SHPRH: variants seen among roughly 807,000 people sequenced by gnomAD.
SHPRH encodes the protein E3 ubiquitin-protein ligase SHPRH.
Under a neutral mutation model 202.5 loss-of-function variants are expected in SHPRH, and 106 were observed. The ratio of observed to expected loss-of-function variants is 0.52; its 90% CI spans 0.45 to 0.62. The LOEUF (loss-of-function observed/expected upper bound fraction) is 0.62, where lower values mean the gene tolerates loss of function less well. SHPRH is among the 20% of genes least tolerant of loss of function. The pLI is 0.00. For missense variants in SHPRH, 1,710 were observed against 2,020.0 expected, an observed-to-expected ratio of 0.85 and a Z score of 2.94; for synonymous variants, 729 against 686.0, an observed-to-expected ratio of 1.06 and a Z score of -0.98.
Position 145,964,336 on chromosome 6 carries a change from C to G in SHPRH, c.-638G>C, listed in dbSNP as rs1333727271. 6.6e-6 allele frequency: 1 copy of G among 152,284 alleles called. No individual in the cohort carries two copies. Among genetic ancestry groups the G allele is most frequent in the Non-Finnish European group, 1.5e-5 (1 of 68,102 alleles). 9.4% of individuals were successfully genotyped at this position (152,284 alleles called of 1,614,324 possible). On this transcript the variant is annotated 5_prime_UTR_variant, in exon 1 of 30. Transcript: ENST00000275233. ...GAGACCCAGAAACCACAGCGCCTAG[C>G]TGCCGGGCGCGCGCTGTAGCGTGGG... is the stretch of plus-strand genomic sequence containing the variant.
chr6:145,877,114 AC>A (rs781499336), intron 2 of SHPRH: 9 of 152,012 alleles, frequency 5.9e-5, no homozygotes, highest in Non-Finnish European at 1.3e-4. Flanking sequence ...TCCATTTAAC[AC>A]TCCAGGTACC....
chr6:145,892,553 T>C (rs968023065), intron 28 of SHPRH, among the ~76,000 whole-genome samples: 55 of 152,150 alleles, frequency 3.6e-4, no homozygotes, highest in African/African-American at 1.3e-3. Context: ...GTGCTTATTA[T>C]GGATGTGTTT....
At chr6:145,928,323 A>C (rs990842988) in intron 14 of SHPRH, among the ~76,000 whole-genome samples, 22 of 151,984 alleles carry the variant, frequency 1.4e-4, no homozygotes, top group African/African-American at 2.2e-4. Context: ...TGTAAAATTC[A>C]AGACAGGTAA....
In SHPRH at chr6:145,922,643, T is replaced by C. The variant is rs1275487294; in HGVS notation, c.3719+20A>G. 6.4e-7 allele frequency: 1 copy of C among 1,573,382 alleles called. No individual in the cohort carries two copies. The highest frequency in any genetic ancestry group is 8.6e-7 in the Non-Finnish European group (1 of 1,164,920). ...AAAGAAATGGTACCATTTCATTGTATGATTTCTTCTATTACCTACCAGTTG... is the reference window on the plus strand; with the variant it reads ...AAAGAAATGGTACCATTTCATTGTACGATTTCTTCTATTACCTACCAGTTG... On this transcript the variant is annotated intron_variant, in intron 19 of 29. Transcript: ENST00000275233.
chr6:145,963,386 A>G (rs1020720485), intron 1 of SHPRH, among the ~76,000 whole-genome samples: 1 of 152,242 alleles, frequency 6.6e-6, no homozygotes, highest in Non-Finnish European at 1.5e-5. Flanking sequence ...GTTGGAAGGC[A>G]TCAAACATCT....
chr6:145,922,526 GATT>G, intron 19 of SHPRH, 134 bp downstream of exon 19: 1 of 1,244,928 alleles, frequency 8.0e-7, no homozygotes, highest in South Asian at 1.6e-5. Context: ...CTTTAAATTA[GATT>G]AATACATCTC....
At position 145,943,014 on chromosome 6, in the gene SHPRH, A is replaced by T. The variant is rs1786961379; in HGVS notation, c.2238+129T>A. 1.6e-5 allele frequency: 18 copies of T among 1,117,326 alleles called. No homozygotes were observed. The South Asian group carries it at 3.2e-4, about 20-fold the overall frequency. 69.2% of individuals were successfully genotyped at this position (1,117,326 alleles called of 1,614,324 possible). A position where few individuals can be genotyped will look rare whatever the true frequency, so the allele number is the denominator to read the frequency against. ...TCTCAATTTTTTTCTTTAAGCTTTGATTTAACATTACTATTAAATCATTCA... is the reference window on the plus strand; with the variant it reads ...TCTCAATTTTTTTCTTTAAGCTTTGTTTTAACATTACTATTAAATCATTCA... On this transcript the variant is annotated intron_variant, in intron 9 of 29. Transcript: ENST00000275233.
intron 25 of SHPRH, among the ~76,000 whole-genome samples, chr6:145,898,073 T>A (rs1285715086): frequency 6.6e-6 from 1 of 152,184 alleles, no homozygotes; most frequent in Non-Finnish European, 1.5e-5. Flanking sequence ...GAAGTTAAAC[T>A]GTTTGCAGAT....
At position 145,874,071 on chromosome 6, in the gene SHPRH, G is replaced by A. The variant is rs566801167; in HGVS notation, c.222-9580C>T. Among the ~76,000 whole-genome samples the A allele has an allele frequency of 4.1e-4, 63 of 152,162 alleles. No individual in the cohort carries two copies. The South Asian group carries it at 0.013, about 32-fold the overall frequency. On this transcript the variant is annotated intron_variant, in intron 2 of 2. Coordinates refer to the SHPRH transcript ENST00000417762. ...AAATTAGCGGCGCATGGTGGAGCAA[G>A]CCTGTAATCCCAGCTACTTGGGAGG... is the stretch of plus-strand genomic sequence containing the variant.
chr6:145,943,181 T>C lies in SHPRH; in HGVS notation c.2200A>G (p.Ile734Val). The change falls in exon 9 of 30, where the codon ATC becomes GTC. Residue 734 changes from isoleucine to valine, a missense_variant. By Grantham distance (29) the Ile-to-Val change is conservative. Transcript: ENST00000275233. Reference sequence around the variant, plus strand: ...GATGACGACCTCACATGCCTGTTGATCTCATCCACCCACTGGTGACAGATG... The same window carrying C: ...GATGACGACCTCACATGCCTGTTGACCTCATCCACCCACTGGTGACAGATG... ...SSICHQWVDE[I>V]NRHVRSSSLR... 32 of 1,611,178 alleles carry C rather than the reference T, an allele frequency of 2.0e-5. No homozygotes were observed. The highest frequency in any genetic ancestry group is 2.5e-5 in the Non-Finnish European group (30 of 1,178,212).
At chr6:145,906,674 G>T (rs1782989413) in intron 25 of SHPRH, 1 of 151,992 alleles carries the variant, frequency 6.6e-6, no homozygotes, top group Non-Finnish European at 1.5e-5. Flanking sequence ...TGTTTTCATA[G>T]GTTCTGGTTA....
chr6:145,948,162 T>G, intron 5 of SHPRH, 110 bp downstream of exon 5: 3 of 706,884 alleles, frequency 4.2e-6, no homozygotes, highest in South Asian at 2.6e-5. Context: ...GACTTCACCT[T>G]TGATTCCTTC....
chr6:145,862,415 CAACAA>C (rs10645746), downstream of SHPRH, among the ~76,000 whole-genome samples: 13 of 149,714 alleles, frequency 8.7e-5, no homozygotes, highest in East Asian at 3.9e-4. Flanking sequence ...GACTCCGTCT[CAACAA>C]AACAAAACAA....
the SHPRH span, among the ~76,000 whole-genome samples, chr6:145,858,616 G>A: frequency 6.6e-6 from 1 of 151,940 alleles, no homozygotes; most frequent in Admixed American, 6.6e-5. Context: ...ACTTTTTGGG[G>A]TAATGAATAT....
chr6:145,929,122 G>GA (rs1292361694), intron 14 of SHPRH, among the ~76,000 whole-genome samples: 3 of 151,502 alleles, frequency 2.0e-5, no homozygotes, highest in Admixed American at 1.3e-4. Context: ...ATAATACCTG[G>GA]TTTTGCATGT....
chr6:145,882,973 G>C (rs1427050146), downstream of SHPRH, among the ~76,000 whole-genome samples: 1 of 152,164 alleles, frequency 6.6e-6, no homozygotes, highest in Non-Finnish European at 1.5e-5. Flanking sequence ...GGTCGAAAAT[G>C]TGTCCTTGGA....
chr6:145,939,297 T>C (rs1251256675), intron 11 of SHPRH, among the ~76,000 whole-genome samples: 1 of 152,220 alleles, frequency 6.6e-6, no homozygotes, highest in African/African-American at 2.4e-5. Context: ...ACTTGCCTTA[T>C]TGTGCACATA....
At chr6:145,891,306 T>C (rs1025688644) in intron 28 of SHPRH, among the ~76,000 whole-genome samples, 2 of 152,188 alleles carry the variant, frequency 1.3e-5, no homozygotes, top group African/African-American at 2.4e-5. Context: ...AAAGCACTGT[T>C]TACTTGAACA....
intron 14 of SHPRH, among the ~76,000 whole-genome samples, chr6:145,932,044 GA>G (rs1785516624): frequency 6.6e-6 from 1 of 151,744 alleles, no homozygotes; most frequent in African/African-American, 2.4e-5. Context: ...TGACTTTATT[GA>G]TTTTTTTCTT....
Sources: gnomAD v4.1 joint callset for allele counts (sites outside exome capture counted in the v4.1 genomes callset) on GRCh38, gnomAD v4.1.1 for gene constraint, MANE v1.5 for transcripts, NCBI Gene and HGNC (gene_info 2026-07-23, HGNC 2026-07-21) for gene names.